Variants in MRTFB observed in about 807,000 individuals in gnomAD.
The protein encoded by MRTFB is myocardin-related transcription factor B.
In MRTFB, 29 loss-of-function variants were observed where a neutral mutation model predicts 104.2. The ratio of observed to expected loss-of-function variants is 0.28; its 90% CI spans 0.21 to 0.38. The LOEUF is 0.38. MRTFB is among the 10% of genes least tolerant of loss of function. The pLI, the probability that MRTFB is intolerant of heterozygous loss-of-function variation, is 1.00. For missense variants in MRTFB, 1,270 were observed against 1,341.6 expected, an observed-to-expected ratio of 0.95 and a Z score of 0.83; for synonymous variants, 535 against 519.5, an observed-to-expected ratio of 1.03 and a Z score of -0.41.
At chr16:14,090,213 T>C (rs1413439010) in intron 2 of MRTFB, among the ~76,000 whole-genome samples, 1 of 152,218 alleles carries the variant, frequency 6.6e-6, no homozygotes, top group East Asian at 1.9e-4. Context: ...AAATTTTCTT[T>C]ATTTCTAGAC....
chr16:14,021,432 A>G, the MRTFB span, among the ~76,000 whole-genome samples: 4 of 152,190 alleles, frequency 2.6e-5, no homozygotes, highest in Non-Finnish European at 5.9e-5. Context: ...TTTAAAAAAT[A>G]TATTTCCATA....
At chr16:14,187,589 ACAAAG>A (rs1164490471) in intron 3 of MRTFB, among the ~76,000 whole-genome samples, 2 of 152,270 alleles carry the variant, frequency 1.3e-5, no homozygotes, top group Non-Finnish European at 2.9e-5. Flanking sequence ...TTGTTTTGTA[ACAAAG>A]CAAAGAATAA....
At position 14,177,752 on chromosome 16, in the gene MRTFB, G is replaced by A. The variant is rs955418743; in HGVS notation, c.155-32491G>A. Among the ~76,000 whole-genome samples, 1 of 152,096 alleles carries A rather than the reference G, an allele frequency of 6.6e-6. No homozygotes were observed. The highest frequency in any genetic ancestry group is 2.4e-5 in the African/African-American group (1 of 41,404). On this transcript the variant is annotated intron_variant, in intron 3 of 16. Transcript: ENST00000571589. This position sits in a 1 kb window ranked among gnomAD's most constrained non-coding sequence, Gnocchi z 4.7. ...GAGGGAAGATTGCTTCAGCCCAGGA[G>A]GTCGAGGCTGCAGCGAGTAATAATT... is the stretch of plus-strand genomic sequence containing the variant.
chr16:14,227,026 A>G (rs1435783557), intron 8 of MRTFB, among the ~76,000 whole-genome samples: 2 of 152,074 alleles, frequency 1.3e-5, no homozygotes, highest in Admixed American at 6.6e-5. Context: ...ATCAAAGGAC[A>G]TCAACAGAGT....
At chr16:14,239,856 T>C (rs2042683999) in intron 9 of MRTFB, among the ~76,000 whole-genome samples, 1 of 152,254 alleles carries the variant, frequency 6.6e-6, no homozygotes, top group Non-Finnish European at 1.5e-5. Context: ...TTACATGGTT[T>C]TGGTGAAGTA....
chr16:14,122,473 C>A (rs1006880028), intron 2 of MRTFB, among the ~76,000 whole-genome samples: 8 of 152,026 alleles, frequency 5.3e-5, no homozygotes, highest in African/African-American at 1.9e-4. Context: ...TGTGATGTTT[C>A]CCTCCCTGTG....
intron 2 of MRTFB, 22 bp downstream of exon 2, chr16:14,079,376 T>C: frequency 2.9e-6 from 1 of 348,878 alleles, no homozygotes; most frequent in Non-Finnish European, 5.2e-6. Flanking sequence ...TATAATTTTT[T>C]TTTAACAAAG....
intron 1 of MRTFB, among the ~76,000 whole-genome samples, chr16:14,071,957 T>C (rs2033729361): frequency 6.6e-6 from 1 of 152,142 alleles, no homozygotes; most frequent in Non-Finnish European, 1.5e-5. Context: ...GTCTCGTTCC[T>C]AAAAGGGTCC....
At chr16:14,015,591 G>C in the MRTFB span, among the ~76,000 whole-genome samples, 1 of 152,164 alleles carries the variant, frequency 6.6e-6, no homozygotes. Context: ...CTGGAAGGAA[G>C]TCTCGCTATC....
At chr16:14,229,060 A>G (rs1050070297) in intron 8 of MRTFB, among the ~76,000 whole-genome samples, 1 of 152,170 alleles carries the variant, frequency 6.6e-6, no homozygotes, top group South Asian at 2.1e-4. Flanking sequence ...TAAATAGTAA[A>G]TTTTGTGTTA....
chr16:14,265,074 A>G lies in MRTFB; in HGVS notation c.*3630A>G, dbSNP rs1439333560. On this transcript the variant is annotated 3_prime_UTR_variant, in exon 17 of 17. Transcript: ENST00000571589. Reference sequence around the variant, plus strand: ...ATTTGTGAGAAGCCCACATTTCAGTATACATCCTCACTGGCTTCCATGCAC... The same window carrying G: ...ATTTGTGAGAAGCCCACATTTCAGTGTACATCCTCACTGGCTTCCATGCAC... 6.6e-6 allele frequency: 1 copy of G among 152,214 alleles called. No individual in the cohort carries two copies. Among genetic ancestry groups the G allele is most frequent in the Non-Finnish European group, 1.5e-5 (1 of 68,034 alleles). 9.4% of individuals were successfully genotyped at this position (152,214 alleles called of 1,614,324 possible).
At chr16:14,212,497 C>G in intron 5 of MRTFB, 88 bp downstream of exon 5, 2 of 1,160,192 alleles carry the variant, frequency 1.7e-6, no homozygotes, top group South Asian at 1.3e-5. Context: ...AGTGTTACTC[C>G]TAAATATGTC....
At chr16:14,079,559 T>C (rs1036178002) in intron 2 of MRTFB, among the ~76,000 whole-genome samples, 25 of 152,164 alleles carry the variant, frequency 1.6e-4, no homozygotes, top group African/African-American at 6.0e-4. Flanking sequence ...CCTCTTCGAA[T>C]CTAATCTTTA....
chr16:14,118,422 G>A (rs1181659597), intron 2 of MRTFB, among the ~76,000 whole-genome samples: 2 of 151,586 alleles, frequency 1.3e-5, no homozygotes, highest in East Asian at 3.9e-4. Context: ...AATTACAGGC[G>A]TTAAGCCACT....
At chr16:14,200,209 C>A in intron 3 of MRTFB, 2 of 1,149,764 alleles carry the variant, frequency 1.7e-6, no homozygotes, top group Non-Finnish European at 2.4e-6. Context: ...TTTGTAATAG[C>A]AAAAAACCTG....
intron 2 of MRTFB, among the ~76,000 whole-genome samples, chr16:14,107,328 T>C (rs2036032899): frequency 6.6e-6 from 1 of 152,214 alleles, no homozygotes; most frequent in African/African-American, 2.4e-5. Context: ...GGTGTGATTC[T>C]GGGGCTCACG....
intron 2 of MRTFB, among the ~76,000 whole-genome samples, chr16:14,114,056 G>T (rs532949709): frequency 1.3e-5 from 2 of 152,310 alleles, no homozygotes; most frequent in East Asian, 1.9e-4. Flanking sequence ...GATCTTTAGG[G>T]TCAAGTACTA....
chr16:14,103,117 C>G (rs528593784), intron 2 of MRTFB, among the ~76,000 whole-genome samples: 2 of 152,282 alleles, frequency 1.3e-5, no homozygotes, highest in African/African-American at 4.8e-5. Flanking sequence ...AAACCCCTCC[C>G]TCTGCACACC....
chr16:14,138,595 G>A (rs1041695308), intron 2 of MRTFB, among the ~76,000 whole-genome samples: 9 of 152,230 alleles, frequency 5.9e-5, no homozygotes, highest in Admixed American at 1.3e-4. Context: ...TTGGTGGGCC[G>A]CACCAGAGAT....
Sources: allele counts gnomAD v4.1 joint callset (sites outside exome capture counted in the v4.1 genomes callset), GRCh38; gene constraint gnomAD v4.1.1; non-coding constraint Gnocchi (gnomAD v3.1); transcripts MANE v1.5; gene names NCBI Gene and HGNC (gene_info 2026-07-23, HGNC 2026-07-21).